The following C1orf116 variants were observed in gnomAD, a reference collection of about 807,000 sequenced individuals.
C1orf116 encodes chromosome 1 open reading frame 116, also known as specifically androgen-regulated gene protein.
In C1orf116, 12 loss-of-function variants were observed where a neutral mutation model predicts 14.1. That is an observed-to-expected ratio of 0.85 (90% CI 0.54 to 1.38). The LOEUF is 1.38. C1orf116 is among the 40% of genes most tolerant of loss of function. C1orf116 has a pLI of 0.00. For synonymous variants in C1orf116, 296 were observed against 299.0 expected (o/e 0.99, Z 0.10); for missense variants, 797 against 747.0 (o/e 1.07, Z -0.78).
At chr1:207,026,480 A>G (rs1387472122) in intron 2 of C1orf116, among the ~76,000 whole-genome samples, 1 of 152,224 alleles carries the variant, frequency 6.6e-6, no homozygotes, top group Admixed American at 6.5e-5. Flanking sequence ...CCTAAAAGAC[A>G]TAGAAAGACG....
chr1:207,026,820 A>G (rs1184972742), intron 2 of C1orf116, among the ~76,000 whole-genome samples: 1 of 152,260 alleles, frequency 6.6e-6, no homozygotes, highest in Non-Finnish European at 1.5e-5. Flanking sequence ...ATTACAGTTT[A>G]TTAAATGCCA....
chr1:207,027,811 C>T (rs558051026), intron 1 of C1orf116, 132 bp from the exon 2 acceptor site: 116 of 1,023,898 alleles, frequency 1.1e-4, no homozygotes, highest in Non-Finnish European at 1.4e-4. Flanking sequence ...AGCCACTGCC[C>T]GACACCCCCG....
At position 207,022,031 on chromosome 1, in the gene C1orf116, TTGACAC is replaced by T. The variant is rs1681874689; in HGVS notation, c.1727_1732del (p.Ser576_Val577del). The T allele has an allele frequency of 1.3e-6, 2 of 1,590,678 alleles. No homozygotes were observed. Among genetic ancestry groups the T allele is most frequent in the Non-Finnish European group, 1.7e-6 (2 of 1,170,062 alleles). ...ATTGGGGACACCCTTTGGGGAGATC[TTGACAC>T]TGACACAGGGGGGGCGAGGAAGCTT... On this transcript the variant is annotated inframe_deletion, in exon 4 of 4. Transcript: ENST00000359470.
Position 207,021,660 on chromosome 1 carries a change from G to T in C1orf116, c.*298C>A, listed in dbSNP as rs1016936039. Reference sequence around the variant, plus strand: ...CCCAATGTAAGAAAACATCTAACAAGAGCAAAATTCTGAACAGTGACTCAT... The same window carrying T: ...CCCAATGTAAGAAAACATCTAACAATAGCAAAATTCTGAACAGTGACTCAT... On this transcript the variant is annotated 3_prime_UTR_variant, in exon 4 of 4. Coordinates refer to ENST00000359470, the MANE Select transcript of C1orf116 (RefSeq NM_023938.6). 4 of 251,938 alleles carry T rather than the reference G, an allele frequency of 1.6e-5. No homozygotes were observed. Among genetic ancestry groups the T allele is most frequent in the Non-Finnish European group, 3.0e-5 (4 of 132,148 alleles). 15.6% of individuals were successfully genotyped at this position (251,938 alleles called of 1,614,324 possible).
intron 1 of C1orf116, among the ~76,000 whole-genome samples, chr1:207,031,793 G>A (rs1682254512): frequency 6.6e-6 from 1 of 152,156 alleles, no homozygotes; most frequent in African/African-American, 2.4e-5. Context: ...GCCCCACTTG[G>A]AACTCTAACT....
At position 207,023,251 on chromosome 1, in the gene C1orf116, T is replaced by A. The variant is rs1422930821; in HGVS notation, c.513A>T (p.Glu171Asp). The change falls in exon 4 of 4, where the codon GAA becomes GAT. Residue 171 changes from glutamate to aspartate, a missense_variant. Glu to Asp is a conservative substitution (Grantham distance 45). Coordinates refer to ENST00000359470, the MANE Select transcript of C1orf116 (RefSeq NM_023938.6). The stretch of plus-strand genomic sequence containing the variant: ...TGGGTTGGCTGCTCTGGCTGACCTG[T>A]TCTTTCTCAGGCTCTGGCGCAAGCC... ...PGRLAPEPEK[E>D]QVSQSSQPRQ... is the part of the protein sequence containing the mutation. The A allele has an allele frequency of 1.8e-5, 29 of 1,613,438 alleles. No individual in the cohort carries two copies. Among genetic ancestry groups the A allele is most frequent in the Non-Finnish European group, 2.4e-5 (28 of 1,179,606 alleles).
Position 207,032,568 on chromosome 1 carries a change from G to A in C1orf116, c.-82+11C>T. On this transcript the variant is annotated intron_variant, in intron 1 of 3. Coordinates refer to ENST00000359470, the MANE Select transcript of C1orf116 (RefSeq NM_023938.6). Reference sequence around the variant, plus strand: ...ATAGGATAAGCAATAGTTGGTTAGTGATTAACTCACCTCCACTGGGTTGGG... The same window carrying A: ...ATAGGATAAGCAATAGTTGGTTAGTAATTAACTCACCTCCACTGGGTTGGG... The A allele has an allele frequency of 2.0e-6, 2 of 985,338 alleles. No individual in the cohort carries two copies. The highest frequency in any genetic ancestry group is 2.4e-6 in the Non-Finnish European group (2 of 829,894). 61.0% of individuals were successfully genotyped at this position (985,338 alleles called of 1,614,324 possible).
Position 207,020,606 on chromosome 1 carries a change from G to A in C1orf116, c.*1352C>T, listed in dbSNP as rs980162955. On this transcript the variant is annotated 3_prime_UTR_variant, in exon 4 of 4. Coordinates refer to ENST00000359470, the MANE Select transcript of C1orf116 (RefSeq NM_023938.6). Reference sequence around the variant, plus strand: ...TGCTCAAGCTGCACAACTTGGTCACGGAATTTGAGGGGAGAGGTGTTCTGG... The same window carrying A: ...TGCTCAAGCTGCACAACTTGGTCACAGAATTTGAGGGGAGAGGTGTTCTGG... 1 of 152,142 alleles carries A rather than the reference G, an allele frequency of 6.6e-6. No individual in the cohort carries two copies. The highest frequency in any genetic ancestry group is 2.4e-5 in the African/African-American group (1 of 41,416). 9.4% of individuals were successfully genotyped at this position (152,142 alleles called of 1,614,324 possible). A position where few individuals can be genotyped will look rare whatever the true frequency, so the allele number is the denominator to read the frequency against.
intron 1 of C1orf116, 21 bp from the exon 2 acceptor site, chr1:207,027,700 G>A (rs1358836459): frequency 1.3e-5 from 20 of 1,528,854 alleles, no homozygotes; most frequent in African/African-American, 2.7e-5. Context: ...AAGAATCAAA[G>A]CCACACATGA....
intron 2 of C1orf116, among the ~76,000 whole-genome samples, chr1:207,026,742 A>G (rs1682090495): frequency 6.6e-6 from 1 of 152,242 alleles, no homozygotes; most frequent in Admixed American, 6.5e-5. Flanking sequence ...TTGCGTCTGG[A>G]TGCAGCACAG....
rs772763899 is a variant in C1orf116, at chr1:207,025,056, G to T, written c.114C>A (p.Ser38Arg). The change falls in exon 3 of 4, where the codon AGC becomes AGA. Residue 38 changes from serine to arginine, a missense_variant. By Grantham distance (110) the Ser-to-Arg change is moderately radical. Coordinates refer to ENST00000359470, the MANE Select transcript of C1orf116 (RefSeq NM_023938.6). ...STSTRSGSSD[S>R]SYDFLSTEEK... ...CTTCAGTGGACAGGAAGTCGTAGCT[G>T]CTATCACTCTGTTGGGTTTGGGGTT... 7.8e-7 allele frequency: 1 copy of T among 1,287,634 alleles called. No individual in the cohort carries two copies. The highest frequency in any genetic ancestry group is 1.0e-6 in the Non-Finnish European group (1 of 971,768). 79.8% of individuals were successfully genotyped at this position (1,287,634 alleles called of 1,614,324 possible). A position where few individuals can be genotyped will look rare whatever the true frequency, so the allele number is the denominator to read the frequency against.
chr1:207,024,736 G>T, intron 3 of C1orf116, 151 bp downstream of exon 3: 1 of 1,006,066 alleles, frequency 9.9e-7, no homozygotes, highest in Non-Finnish European at 1.5e-6. Context: ...ACAAGGCTCT[G>T]TTCTAGCCAG....
At chr1:207,031,959 T>C (rs1195577565) in intron 1 of C1orf116, among the ~76,000 whole-genome samples, 4 of 152,208 alleles carry the variant, frequency 2.6e-5, no homozygotes, top group Non-Finnish European at 5.9e-5. Context: ...AGATTATCCA[T>C]GGGTTTTCCA....
chr1:207,023,838 T>A (rs1249781355), intron 3 of C1orf116, among the ~76,000 whole-genome samples: 2 of 152,176 alleles, frequency 1.3e-5, no homozygotes, highest in East Asian at 3.9e-4. Flanking sequence ...TATCTTTTTT[T>A]GACTGAGAAT....
In C1orf116 at chr1:207,022,818, T is replaced by C; in HGVS notation, c.946A>G (p.Ser316Gly). The C allele has an allele frequency of 1.2e-6, 2 of 1,614,046 alleles. No individual in the cohort carries two copies. The highest frequency in any genetic ancestry group is 1.1e-5 in the South Asian group (1 of 91,070). Reference protein sequence around the residue: ...VLKSSRSSFHSDPQHWLSRHT... With the variant: ...VLKSSRSSFHGDPQHWLSRHT... ...CGGGACAGCCAGTGCTGGGGGTCAC[T>C]GTGGAAACTGCTTCGGCTGCTCTTC... The change falls in exon 4 of 4, where the codon AGT (serine) becomes GGT (glycine). Residue 316 changes from serine to glycine, a missense_variant. Coordinates refer to ENST00000359470, the MANE Select transcript of C1orf116 (RefSeq NM_023938.6).
chr1:207,023,503 A>G (rs1283173820), intron 3 of C1orf116, 23 bp from the exon 4 acceptor site: 11 of 1,571,290 alleles, frequency 7.0e-6, no homozygotes, highest in East Asian at 2.2e-5. Flanking sequence ...GAAAGAACAT[A>G]AAAGAGTGGA....
At chr1:207,023,625 T>C in intron 3 of C1orf116, 145 bp from the exon 4 acceptor site, 1 of 1,270,348 alleles carries the variant, frequency 7.9e-7, no homozygotes, top group South Asian at 1.8e-5. Context: ...CTTGTTTTCT[T>C]TGCTTTTACA....
At position 207,025,079 on chromosome 1, in the gene C1orf116, GTT is replaced by G; in HGVS notation, c.106-17_106-16del. On this transcript the variant is annotated splice_polypyrimidine_tract_variant and intron_variant, in intron 2 of 3. Coordinates refer to ENST00000359470, the MANE Select transcript of C1orf116 (RefSeq NM_023938.6). ...CTGCTATCACTCTGTTGGGTTTGGG[GTT>G]GGGGGCGGGGGCGGGGAGGCGGGGG... The G allele has an allele frequency of 1.4e-6, 2 of 1,406,872 alleles. No individual in the cohort carries two copies. The highest frequency in any genetic ancestry group is 1.3e-5 in the South Asian group (1 of 75,648). 87.1% of individuals were successfully genotyped at this position (1,406,872 alleles called of 1,614,324 possible).
In C1orf116 at chr1:207,023,313, T is replaced by A; in HGVS notation, c.451A>T (p.Thr151Ser). 6.2e-7 allele frequency: 1 copy of A among 1,614,134 alleles called. No homozygotes were observed. Among genetic ancestry groups the A allele is most frequent in the Non-Finnish European group, 8.5e-7 (1 of 1,180,004 alleles). Residue 151 changes from threonine to serine, a missense_variant, in exon 4 of 4, where the codon ACC becomes TCC. Thr to Ser is a moderately conservative substitution (Grantham distance 58). Transcript: ENST00000359470. The stretch of plus-strand genomic sequence containing the variant: ...CCAGGGTTGTGACTGCTAGCCTGGG[T>A]GGTGCTTTTCCTGAAGTTCTGGCTT... ...ARSQNFRKST[T>S]QASSHNPGEP...
Sources: allele counts gnomAD v4.1 joint callset (sites outside exome capture counted in the v4.1 genomes callset), GRCh38; gene constraint gnomAD v4.1.1; transcripts MANE v1.5; gene names NCBI Gene and HGNC (gene_info 2026-07-23, HGNC 2026-07-21).